The following EPB41L4A variants were observed in gnomAD, a reference collection of about 807,000 sequenced individuals.
EPB41L4A encodes band 4.1-like protein 4A.
Under a neutral mutation model 108.6 loss-of-function variants are expected in EPB41L4A, and 100 were observed. The ratio of observed to expected loss-of-function variants is 0.92; its 90% CI spans 0.78 to 1.09. The LOEUF (loss-of-function observed/expected upper bound fraction) is 1.09, where lower values mean the gene tolerates loss of function less well. Among genes scored for constraint, EPB41L4A ranks in the 50% least tolerant of loss-of-function variants. EPB41L4A has a pLI of 0.00. For synonymous variants in EPB41L4A, 319 were observed against 289.0 expected, an observed-to-expected ratio of 1.10 and a Z score of -1.05; for missense variants, 1,030 against 842.7, an observed-to-expected ratio of 1.22 and a Z score of -2.75.
At position 112,229,833 on chromosome 5, in the gene EPB41L4A, A is replaced by G. The variant is rs141097524; in HGVS notation, c.1087+4801T>C. Among the ~76,000 whole-genome samples, 1,406 of 152,070 alleles carry G rather than the reference A, an allele frequency of 9.2e-3. 17 individuals are homozygous for G. The highest frequency in any genetic ancestry group is 0.012 in the Non-Finnish European group (847 of 67,976). On this transcript the variant is annotated intron_variant, in intron 12 of 22. Transcript: ENST00000261486. ...GAAACGCTGTCTCTACTGAAAATAC[A>G]AAAAGTTAGCCAGGCATGGTGGTGG... is the stretch of plus-strand genomic sequence containing the variant.
chr5:112,175,760 T>A (rs1350110991), intron 18 of EPB41L4A, among the ~76,000 whole-genome samples: 1 of 152,074 alleles, frequency 6.6e-6, no homozygotes, highest in African/African-American at 2.4e-5. Context: ...ATATGAAGGA[T>A]AATTTTGATT....
chr5:112,294,818 G>A (rs1753888489), intron 2 of EPB41L4A, among the ~76,000 whole-genome samples: 1 of 152,104 alleles, frequency 6.6e-6, no homozygotes, highest in Admixed American at 6.5e-5. Context: ...ATAACCAAGG[G>A]CCACGTATCT....
intron 4 of EPB41L4A, among the ~76,000 whole-genome samples, chr5:112,266,604 G>A (rs577857292): frequency 6.6e-6 from 1 of 152,182 alleles, no homozygotes; most frequent in African/African-American, 2.4e-5. Context: ...GCCTTAGGCT[G>A]CTGCTTAACC....
At chr5:112,156,124 C>G (rs1376520924) in intron 12 of EPB41L4A, among the ~76,000 whole-genome samples, 1 of 151,744 alleles carries the variant, frequency 6.6e-6, no homozygotes, top group Non-Finnish European at 1.5e-5. Context: ...AAAAAAAGAA[C>G]CCATATGTTC....
At position 112,168,807 on chromosome 5, in the gene EPB41L4A, G is replaced by T; in HGVS notation, c.1864C>A (p.Leu622Ile). Residue 622 changes from leucine to isoleucine, a missense_variant, in exon 22 of 23, where the codon CTT (leucine) becomes ATT (isoleucine). Transcript: ENST00000261486. ...VLSEVNSKTD[L>I]VPPLPVTRSS... ...CGGGTCACCGGAAGTGGTGGTACAA[G>T]ATCTGTTTTTGAACTGCAGAGAATG... is the stretch of plus-strand genomic sequence containing the variant. 1 of 1,613,948 alleles carries T rather than the reference G, an allele frequency of 6.2e-7. No individual in the cohort carries two copies. Among genetic ancestry groups the T allele is most frequent in the Non-Finnish European group, 8.5e-7 (1 of 1,179,828 alleles).
At position 112,259,878 on chromosome 5, in the gene EPB41L4A, A is replaced by AGGT; in HGVS notation, c.731+12_731+13insACC. 2 of 1,606,646 alleles carry AGGT rather than the reference A, an allele frequency of 1.2e-6. No homozygotes were observed. The highest frequency in any genetic ancestry group is 1.7e-6 in the Non-Finnish European group (2 of 1,173,248). ...AACATAGAATGCCAACTCTGTTCTC[A>AGGT]AGCCATACCTACCAGAAATACTTCC... On this transcript the variant is annotated intron_variant, in intron 8 of 22. Coordinates refer to ENST00000261486, the MANE Select transcript of EPB41L4A (RefSeq NM_022140.5).
At chr5:112,221,624 G>T (rs1182250392) in intron 12 of EPB41L4A, among the ~76,000 whole-genome samples, 1 of 152,162 alleles carries the variant, frequency 6.6e-6, no homozygotes, top group Non-Finnish European at 1.5e-5. Context: ...ATTTGTATAT[G>T]ACTTAGTTCC....
At chr5:112,414,920 C>T (rs886103491) in intron 1 of EPB41L4A, among the ~76,000 whole-genome samples, 1 of 152,074 alleles carries the variant, frequency 6.6e-6, no homozygotes, top group African/African-American at 2.4e-5. Flanking sequence ...CAATCAAGAC[C>T]ACAGTGAATC....
rs115810655 is a variant in EPB41L4A at position 112,221,071 on chromosome 5, T to C, written c.1088-11089A>G. ...GTTGTACACTTTTCTCTTGTTAATCTTTTGTTATGGGGACCTCAGCCATGA... is the reference window on the plus strand; with the variant it reads ...GTTGTACACTTTTCTCTTGTTAATCCTTTGTTATGGGGACCTCAGCCATGA... On this transcript the variant is annotated intron_variant, in intron 12 of 22. Transcript: ENST00000261486. Among the ~76,000 whole-genome samples the C allele has an allele frequency of 7.8e-3, 1,192 of 152,336 alleles. 18 individuals carry two copies. The highest frequency in any genetic ancestry group is 0.027 in the African/African-American group (1,137 of 41,578).
chr5:112,196,651 T>A (rs1185803375), intron 15 of EPB41L4A: 2 of 150,866 alleles, frequency 1.3e-5, no homozygotes, highest in Non-Finnish European at 2.9e-5. Context: ...TTTCATTCCA[T>A]CTTTTTGGCA....
Position 112,209,909 on chromosome 5 carries a change from T to G in EPB41L4A, c.1161A>C (p.Ala387=), listed in dbSNP as rs753213549. ...GENEGTIKII[A]PSPVKSFKKA... ...TCACTGACCTTTTTACTGGTGAAGGTGCAATAATTTTAATTGTTCCTTCAT... is the reference window on the plus strand; with the variant it reads ...TCACTGACCTTTTTACTGGTGAAGGGGCAATAATTTTAATTGTTCCTTCAT... The change falls in exon 13 of 23, where the codon GCA becomes GCC. Residue 387 remains alanine (A), a synonymous_variant. Transcript: ENST00000261486. 6.2e-7 allele frequency: 1 copy of G among 1,601,320 alleles called. No homozygotes were observed. The highest frequency in any genetic ancestry group is 1.1e-5 in the South Asian group (1 of 90,596).
At chr5:112,205,607 T>C (rs892703051) in intron 13 of EPB41L4A, 103 bp from the exon 14 acceptor site, 1 of 874,288 alleles carries the variant, frequency 1.1e-6, no homozygotes, top group Non-Finnish European at 1.8e-6. Flanking sequence ...TGTTAAGATG[T>C]GCACACTTAT....
intron 1 of EPB41L4A, among the ~76,000 whole-genome samples, chr5:112,356,103 G>A (rs553125386): frequency 1.3e-5 from 2 of 152,214 alleles, no homozygotes; most frequent in East Asian, 3.9e-4. Context: ...GGGGTAAGGT[G>A]GGGATTGTAT....
At chr5:112,369,278 T>A (rs1759334319) in intron 1 of EPB41L4A, among the ~76,000 whole-genome samples, 1 of 152,194 alleles carries the variant, frequency 6.6e-6, no homozygotes, top group Non-Finnish European at 1.5e-5. Flanking sequence ...ACCAGTTCAA[T>A]TTCTTATTAT....
rs1467030634 is a variant in EPB41L4A at position 112,342,587 on chromosome 5, AGCT to A, written c.100-35100_100-35098del. ...ATCCAATACATGTGAAATGCATTAG[AGCT>A]GAGGGTCTATTGTTCCTAGTCGAGC... On this transcript the variant is annotated intron_variant, in intron 1 of 22. Coordinates refer to ENST00000261486, the MANE Select transcript of EPB41L4A (RefSeq NM_022140.5). Among the ~76,000 whole-genome samples, 14 of 152,304 alleles carry A rather than the reference AGCT, an allele frequency of 9.2e-5. No homozygotes were observed. The East Asian group carries it at 2.7e-3, about 29-fold the overall frequency.
At chr5:112,215,230 A>G (rs866046410) in intron 12 of EPB41L4A, among the ~76,000 whole-genome samples, 4 of 152,324 alleles carry the variant, frequency 2.6e-5, no homozygotes, top group African/African-American at 9.6e-5. Flanking sequence ...GCGGCAATAT[A>G]CCTTGCAGGA....
chr5:112,201,412 T>C (rs552056831), intron 15 of EPB41L4A, among the ~76,000 whole-genome samples: 2 of 152,348 alleles, frequency 1.3e-5, no homozygotes, highest in African/African-American at 4.8e-5. Flanking sequence ...AAGTCAAGTC[T>C]GGATTTGGGA....
intron 13 of EPB41L4A, chr5:112,145,852 C>A (rs569044354): frequency 3.1e-5 from 14 of 451,498 alleles, no homozygotes; most frequent in South Asian, 7.9e-5. Flanking sequence ...GCTATTGAGA[C>A]AATTATCAAT....
At chr5:112,405,137 C>T (rs1762005728) in intron 1 of EPB41L4A, among the ~76,000 whole-genome samples, 1 of 152,128 alleles carries the variant, frequency 6.6e-6, no homozygotes, top group Admixed American at 6.6e-5. Flanking sequence ...CTTGAGCTCG[C>T]ATTCTCTCAT....
Sources: gnomAD v4.1 joint callset for allele counts (sites outside exome capture counted in the v4.1 genomes callset) on GRCh38, gnomAD v4.1.1 for gene constraint, MANE v1.5 for transcripts, NCBI Gene and HGNC (gene_info 2026-07-23, HGNC 2026-07-21) for gene names.